Variants in LARGE1 observed in about 807,000 individuals in gnomAD.
LARGE1 encodes the protein LARGE xylosyl- and glucuronyltransferase 1, also known as xylosyl- and glucuronyltransferase LARGE1.
A neutral mutation model predicts 87.6 loss-of-function variants in LARGE1; 43 were observed. The observed-to-expected ratio is 0.49, with a 90% CI of 0.38 to 0.63. The LOEUF is 0.63. LARGE1 is among the 30% of genes least tolerant of loss of function. The pLI, the probability that LARGE1 is intolerant of heterozygous loss-of-function variation, is 0.00. For synonymous variants in LARGE1, 434 were observed against 394.6 expected (o/e 1.10, Z -1.18); for missense variants, 802 against 1,000.2 (o/e 0.80, Z 2.67).
At chr22:33,873,844 G>T (rs1028393022) in intron 1 of LARGE1, among the ~76,000 whole-genome samples, 1 of 151,656 alleles carries the variant, frequency 6.6e-6, no homozygotes, top group African/African-American at 2.4e-5. Flanking sequence ...GTCACAAGAA[G>T]CCAAGTACAA....
rs3072340 is a variant in LARGE1, at chr22:33,837,257, T to TACACACACACACACAC, written c.-82-75715_-82-75700dup. Among the ~76,000 whole-genome samples the TACACACACACACACAC allele has an allele frequency of 3.4e-3, 509 of 149,734 alleles. 4 individuals are homozygous for TACACACACACACACAC. The highest frequency in any genetic ancestry group is 0.012 in the African/African-American group (479 of 40,584). On this transcript the variant is annotated intron_variant, in intron 1 of 14. Transcript: ENST00000397394. ...TATATGGAGTAGAGAGTATTACATA[T>TACACACACACACACAC]ACACACACACACACACACACACACC...
chr22:33,337,768 C>G lies in LARGE1; in HGVS notation c.1165G>C (p.Val389Leu). The change falls in exon 10 of 15, where the codon GTG becomes CTG. Residue 389 changes from valine to leucine, a missense_variant. By Grantham distance (32) the Val-to-Leu change is conservative. This residue lies in a region of LARGE1 where 625 missense variants were observed against 841.9 expected (regional missense o/e 0.74). Coordinates refer to ENST00000397394, the MANE Select transcript of LARGE1 (RefSeq NM_133642.5). Reference sequence around the variant, plus strand: ...AAAAACTCCACATGCTTGTTCTTCACCCGGAGCTTCTTGGGGGAGTTCCAG... The same window carrying G: ...AAAAACTCCACATGCTTGTTCTTCAGCCGGAGCTTCTTGGGGGAGTTCCAG... ...IHWNSPKKLR[V>L]KNKHVEFFRN... is the part of the protein sequence containing the mutation. The G allele has an allele frequency of 6.2e-7, 1 of 1,614,192 alleles. No homozygotes were observed. The highest frequency in any genetic ancestry group is 8.5e-7 in the Non-Finnish European group (1 of 1,180,036).
chr22:33,262,872 C>CA (rs1927718597), intron 11 of LARGE1, among the ~76,000 whole-genome samples: 1 of 150,276 alleles, frequency 6.7e-6, no homozygotes, highest in African/African-American at 2.5e-5. Flanking sequence ...CTTCCCTCCC[C>CA]TCCCCTCCGC....
chr22:33,454,973 G>C (rs2068074818), intron 6 of LARGE1, among the ~76,000 whole-genome samples: 1 of 152,092 alleles, frequency 6.6e-6, no homozygotes, highest in Non-Finnish European at 1.5e-5. Flanking sequence ...ACTTGGGTGG[G>C]GACACAGATC....
intron 1 of LARGE1, among the ~76,000 whole-genome samples, chr22:33,812,161 T>C (rs540947493): frequency 1.3e-5 from 2 of 152,318 alleles, no homozygotes; most frequent in East Asian, 3.9e-4. Flanking sequence ...AACTCATTTA[T>C]TTTCCCACTC....
At chr22:33,262,769 TTTCCTTCCTTCCTTCCCTTCCCTTTCC>T in intron 11 of LARGE1, among the ~76,000 whole-genome samples, 1 of 144,116 alleles carries the variant, frequency 6.9e-6, no homozygotes, top group East Asian at 2.0e-4. Flanking sequence ...TTCCCTTCCC[TTTCCTTCCTTCCTTCCCTTCCCTTTCC>T]TTCCTTCCTT....
intron 1 of LARGE1, among the ~76,000 whole-genome samples, chr22:33,792,986 G>A (rs115481594): frequency 1.3e-3 from 197 of 152,288 alleles, no homozygotes; most frequent in African/African-American, 4.5e-3. Context: ...TCCACAAACA[G>A]CTTTCCACCC....
At chr22:33,139,047 T>C in the LARGE1 span, among the ~76,000 whole-genome samples, 3 of 152,196 alleles carry the variant, frequency 2.0e-5, no homozygotes, top group African/African-American at 7.2e-5. Flanking sequence ...ACAAGTTCTC[T>C]CTTTGCCTGA....
intron 1 of LARGE1, among the ~76,000 whole-genome samples, chr22:33,893,475 T>G (rs779848982): frequency 2.0e-5 from 3 of 152,192 alleles, no homozygotes; most frequent in Non-Finnish European, 2.9e-5. Context: ...CGTCATCAGC[T>G]CACATTCAGA....
chr22:33,489,461 A>G (rs2069729212), intron 6 of LARGE1, among the ~76,000 whole-genome samples: 1 of 152,172 alleles, frequency 6.6e-6, no homozygotes, highest in Non-Finnish European at 1.5e-5. Flanking sequence ...TGTAGCTCCC[A>G]TAATTTTTAT....
chr22:33,409,073 G>A (rs1484462407), intron 7 of LARGE1, among the ~76,000 whole-genome samples: 1 of 152,208 alleles, frequency 6.6e-6, no homozygotes, highest in Non-Finnish European at 1.5e-5. Context: ...TTGGATAATT[G>A]TCTTCATGGA....
intron 5 of LARGE1, among the ~76,000 whole-genome samples, chr22:33,592,229 CAAGTT>C (rs144954715): frequency 0.085 from 12,882 of 151,928 alleles, 666 homozygotes; most frequent in African/African-American, 0.14. Context: ...AGATTCATTT[CAAGTT>C]AATTTTTGTA....
At chr22:33,525,780 G>C (rs1414830396) in intron 6 of LARGE1, among the ~76,000 whole-genome samples, 1 of 152,208 alleles carries the variant, frequency 6.6e-6, no homozygotes, top group Non-Finnish European at 1.5e-5. Flanking sequence ...CTGGCATTCA[G>C]TGAAGACACA....
chr22:33,340,441 C>T (rs1479647748), intron 9 of LARGE1, among the ~76,000 whole-genome samples: 1 of 151,888 alleles, frequency 6.6e-6, no homozygotes, highest in Non-Finnish European at 1.5e-5. Flanking sequence ...GGAAATCACA[C>T]ACCATCAAAA....
chr22:33,680,750 G>A (rs1164085530), intron 2 of LARGE1, among the ~76,000 whole-genome samples: 2 of 151,904 alleles, frequency 1.3e-5, no homozygotes, highest in Non-Finnish European at 2.9e-5. Context: ...TATCCACAAG[G>A]CAAGTCATTA....
chr22:33,570,358 T>C (rs1401720972), intron 5 of LARGE1, among the ~76,000 whole-genome samples: 1 of 152,146 alleles, frequency 6.6e-6, no homozygotes, highest in African/African-American at 2.4e-5. Context: ...GGAATGCAGA[T>C]GGTTTTGTCA....
rs111276151 is a variant in LARGE1 at position 33,373,899 on chromosome 22, G to A, written c.1131+8020C>T. ...TGAGGCAGGAGAATCACTTGAACCC[G>A]GGAGGTGGAGGTTGCAGTCAGCCGA... On this transcript the variant is annotated intron_variant, in intron 9 of 14. Coordinates refer to ENST00000397394, the MANE Select transcript of LARGE1 (RefSeq NM_133642.5). Among the ~76,000 whole-genome samples, 871 of 151,252 alleles carry A rather than the reference G, an allele frequency of 5.8e-3. 9 individuals are homozygous for A. Among genetic ancestry groups the A allele is most frequent in the African/African-American group, 0.02 (837 of 41,090 alleles).
intron 6 of LARGE1, among the ~76,000 whole-genome samples, chr22:33,493,550 G>A (rs531335345): frequency 6.6e-6 from 1 of 152,298 alleles, no homozygotes; most frequent in African/African-American, 2.4e-5. Context: ...CCAAGTCTGA[G>A]TGCTGGTCCA....
At chr22:33,568,985 T>C (rs1019598303) in intron 5 of LARGE1, among the ~76,000 whole-genome samples, 8 of 151,816 alleles carry the variant, frequency 5.3e-5, no homozygotes, top group Non-Finnish European at 1.2e-4. Context: ...CAGGAGAAGG[T>C]TTGTGTTCTT....
Sources: allele counts gnomAD v4.1 joint callset (sites outside exome capture counted in the v4.1 genomes callset), GRCh38; gene constraint gnomAD v4.1.1; regional missense constraint gnomAD v4.1.1; transcripts MANE v1.5; gene names NCBI Gene and HGNC (gene_info 2026-07-23, HGNC 2026-07-21).